The following LPAR1 variants were observed in gnomAD, a reference collection of about 807,000 sequenced individuals.
LPAR1 encodes the protein lysophosphatidic acid receptor 1, also known as LPA receptor 1.
Under a neutral mutation model 23.8 loss-of-function variants are expected in LPAR1, and 5 were observed. The ratio of observed to expected loss-of-function variants is 0.21; its 90% CI spans 0.11 to 0.44. The LOEUF (loss-of-function observed/expected upper bound fraction) is 0.44. Among genes scored for constraint, LPAR1 ranks in the 20% least tolerant of loss-of-function variants. The pLI is 0.99. For synonymous variants in LPAR1, 160 were observed against 164.7 expected (o/e 0.97, Z 0.22); for missense variants, 311 against 482.8 (o/e 0.64, Z 3.33).
intron 4 of LPAR1, among the ~76,000 whole-genome samples, chr9:110,944,878 G>A (rs1588465915): frequency 6.6e-6 from 1 of 152,072 alleles, no homozygotes; most frequent in Non-Finnish European, 1.5e-5. Context: ...GAGGAAATTG[G>A]ACTAACTTAT....
chr9:110,980,559 G>A (rs993131353), intron 2 of LPAR1, among the ~76,000 whole-genome samples: 28 of 151,684 alleles, frequency 1.8e-4, no homozygotes, highest in Non-Finnish European at 3.7e-4. Context: ...CTCCTATGTG[G>A]GAGCTAAAAA....
At chr9:111,029,733 T>C (rs910679623) in intron 2 of LPAR1, among the ~76,000 whole-genome samples, 3 of 152,060 alleles carry the variant, frequency 2.0e-5, no homozygotes, top group African/African-American at 7.2e-5. Context: ...GCGGGGACCG[T>C]ACTTTCTTAA....
chr9:110,918,484 A>G (rs1002908867), intron 5 of LPAR1, among the ~76,000 whole-genome samples: 2 of 152,212 alleles, frequency 1.3e-5, no homozygotes, highest in African/African-American at 4.8e-5. Context: ...TGGCTTATGT[A>G]CAGGCTCATG....
chr9:110,920,947 A>AC (rs1175246615), intron 5 of LPAR1, among the ~76,000 whole-genome samples: 2 of 151,464 alleles, frequency 1.3e-5, no homozygotes, highest in African/African-American at 4.9e-5. Flanking sequence ...ACATAATGAG[A>AC]CCCCATCTCA....
chr9:111,029,821 C>T (rs559596685), intron 2 of LPAR1, among the ~76,000 whole-genome samples: 158 of 151,888 alleles, frequency 1.0e-3, no homozygotes, highest in Middle Eastern at 6.8e-3. Flanking sequence ...GAGGCCGAGG[C>T]GGGTGGTTCA....
chr9:110,890,485 C>T (rs373971421), intron 5 of LPAR1, among the ~76,000 whole-genome samples: 1 of 152,028 alleles, frequency 6.6e-6, no homozygotes, highest in South Asian at 2.1e-4. Context: ...AACAAATCTC[C>T]CCCCCACAAA....
In LPAR1 at chr9:111,005,118, C is replaced by T. The variant is rs934069696; in HGVS notation, c.-182+31004G>A. ...TCGAAGCTGCAGTTAGCCATGATTACAACACTGTACTCTAGCCTGGGTGAC... is the reference window on the plus strand; with the variant it reads ...TCGAAGCTGCAGTTAGCCATGATTATAACACTGTACTCTAGCCTGGGTGAC... On this transcript the variant is annotated intron_variant, in intron 2 of 5. Transcript: ENST00000683809. 5.4e-5 allele frequency among the ~76,000 whole-genome samples: 6 copies of T among 110,240 alleles called. No individual in the cohort carries two copies. In the South Asian group the frequency reaches 1.9e-3, roughly 35 times the overall value. 72.3% of individuals were successfully genotyped at this position (110,240 alleles called of 152,430 possible).
chr9:110,973,840 T>C (rs1430587716), intron 2 of LPAR1, among the ~76,000 whole-genome samples: 1 of 152,202 alleles, frequency 6.6e-6, no homozygotes, highest in East Asian at 1.9e-4. Context: ...TTTCTGGTGA[T>C]GTTCATACTC....
At chr9:110,988,248 CAGAA>C (rs1169437150) in intron 2 of LPAR1, among the ~76,000 whole-genome samples, 2 of 151,730 alleles carry the variant, frequency 1.3e-5, no homozygotes, top group East Asian at 1.9e-4. Flanking sequence ...GTTCATCAGA[CAGAA>C]AGAAAATTAT....
chr9:110,999,274 C>A, intron 2 of LPAR1: 1 of 279,736 alleles, frequency 3.6e-6, no homozygotes, highest in Non-Finnish European at 7.2e-6. Context: ...GGAGTAATAT[C>A]TATTAAGTAC....
intron 2 of LPAR1, among the ~76,000 whole-genome samples, chr9:111,032,548 A>T (rs372413259): frequency 6.6e-6 from 1 of 151,550 alleles, no homozygotes; most frequent in Non-Finnish European, 1.5e-5. Context: ...GATGGGGGGA[A>T]AAAAAGTTTC....
intron 5 of LPAR1, among the ~76,000 whole-genome samples, chr9:110,928,334 T>C (rs2094179041): frequency 6.6e-6 from 1 of 152,156 alleles, no homozygotes; most frequent in Non-Finnish European, 1.5e-5. Context: ...ATTAAGAAAT[T>C]CCACTAAGGA....
At chr9:110,930,793 T>C (rs996814384) in intron 5 of LPAR1, among the ~76,000 whole-genome samples, 3 of 151,856 alleles carry the variant, frequency 2.0e-5, no homozygotes, top group Non-Finnish European at 4.4e-5. Flanking sequence ...CGCGTGCCTA[T>C]AGTCCCAGCT....
intron 5 of LPAR1, among the ~76,000 whole-genome samples, chr9:110,928,811 T>C (rs1337379886): frequency 1.3e-5 from 2 of 152,246 alleles, no homozygotes; most frequent in African/African-American, 4.8e-5. Flanking sequence ...ACTTGCTGGC[T>C]ACAGCAAAAC....
chr9:110,878,356 G>A (rs2079710022), intron 5 of LPAR1, among the ~76,000 whole-genome samples: 1 of 152,148 alleles, frequency 6.6e-6, no homozygotes, highest in African/African-American at 2.4e-5. Context: ...AGACGAAAAT[G>A]GGGGCTGGAA....
chr9:110,880,739 G>C (rs2080520388), intron 5 of LPAR1, among the ~76,000 whole-genome samples: 1 of 152,176 alleles, frequency 6.6e-6, no homozygotes, highest in Non-Finnish European at 1.5e-5. Flanking sequence ...CCTGCGGTGG[G>C]AATCAAGGGA....
chr9:110,991,997 G>GTTTTT (rs34666038), intron 2 of LPAR1, among the ~76,000 whole-genome samples: 1 of 149,016 alleles, frequency 6.7e-6, no homozygotes, highest in Non-Finnish European at 1.5e-5. Context: ...TTAAAAGCTT[G>GTTTTT]TTTTTTTTTT....
At chr9:111,003,996 A>C (rs1055074776) in intron 2 of LPAR1, among the ~76,000 whole-genome samples, 1 of 152,216 alleles carries the variant, frequency 6.6e-6, no homozygotes, top group Non-Finnish European at 1.5e-5. Context: ...TAACTATTTC[A>C]ATGAAGTTCA....
intron 4 of LPAR1, among the ~76,000 whole-genome samples, chr9:110,969,733 A>T (rs917556132): frequency 6.6e-6 from 1 of 152,136 alleles, no homozygotes; most frequent in African/African-American, 2.4e-5. Context: ...AAAGAAATAA[A>T]TAAAATGACT....
Sources: gnomAD v4.1 joint callset for allele counts (sites outside exome capture counted in the v4.1 genomes callset) on GRCh38, gnomAD v4.1.1 for gene constraint, MANE v1.5 for transcripts, NCBI Gene and HGNC (gene_info 2026-07-23, HGNC 2026-07-21) for gene names.